Variants in NDUFS4 observed in about 807,000 individuals in gnomAD.
NDUFS4 encodes NADH:ubiquinone oxidoreductase subunit S4.
Under a neutral mutation model 24.3 loss-of-function variants are expected in NDUFS4, and 28 were observed. The ratio of observed to expected loss-of-function variants is 1.15; its 90% confidence interval spans 0.85 to 1.58. The LOEUF is 1.58. Among genes scored for constraint, NDUFS4 ranks in the 40% most tolerant of loss-of-function variants. NDUFS4 has a pLI of 0.00. For missense variants in NDUFS4, 223 were observed against 207.9 expected (o/e 1.07, Z -0.45); for synonymous variants, 93 against 69.7 (o/e 1.34, Z -1.67).
chr5:53,665,911 C>T (rs770272245), intron 4 of NDUFS4, among the ~76,000 whole-genome samples: 2 of 152,218 alleles, frequency 1.3e-5, no homozygotes, highest in Non-Finnish European at 2.9e-5. Flanking sequence ...CCGTCTTCTG[C>T]GTCGCTTACG....
intron 1 of NDUFS4, among the ~76,000 whole-genome samples, chr5:53,568,276 C>T (rs921457067): frequency 7.2e-5 from 11 of 151,902 alleles, no homozygotes; most frequent in African/African-American, 2.7e-4. Flanking sequence ...TGTTGGGTGC[C>T]TAAAAAATTC....
At chr5:53,614,525 A>C (rs1750789089) in intron 2 of NDUFS4, among the ~76,000 whole-genome samples, 1 of 151,990 alleles carries the variant, frequency 6.6e-6, no homozygotes, top group African/African-American at 2.4e-5. Flanking sequence ...TCCTACTTGG[A>C]ATACTTGAAC....
intron 4 of NDUFS4, among the ~76,000 whole-genome samples, chr5:53,669,432 A>G (rs1477582274): frequency 1.3e-5 from 2 of 152,072 alleles, no homozygotes; most frequent in Admixed American, 6.6e-5. Flanking sequence ...ATCCCTGCCT[A>G]TGAAACTCTA....
intron 1 of NDUFS4, among the ~76,000 whole-genome samples, chr5:53,580,747 C>CT (rs1452322154): frequency 3.0e-5 from 4 of 131,444 alleles, no homozygotes; most frequent in African/African-American, 8.8e-5. Context: ...CTTTCCTTTC[C>CT]TTCCTTTCTC....
At chr5:53,680,097 C>T (rs1001616052) in intron 4 of NDUFS4, among the ~76,000 whole-genome samples, 7 of 152,102 alleles carry the variant, frequency 4.6e-5, no homozygotes, top group African/African-American at 1.4e-4. Flanking sequence ...TAGGTGTTAA[C>T]GTCCATCTTG....
chr5:53,665,617 C>T (rs1752489569), intron 4 of NDUFS4, among the ~76,000 whole-genome samples: 1 of 152,236 alleles, frequency 6.6e-6, no homozygotes, highest in African/African-American at 2.4e-5. Flanking sequence ...GCATAGGACC[C>T]TCCGAGCCAG....
intron 1 of NDUFS4, among the ~76,000 whole-genome samples, chr5:53,585,673 C>T (rs1749727357): frequency 1.3e-5 from 2 of 150,316 alleles, no homozygotes; most frequent in South Asian, 2.1e-4. Context: ...ACCTGGGAGG[C>T]GGAGGTTGCG....
At chr5:53,593,725 C>T (rs926785016) in intron 1 of NDUFS4, among the ~76,000 whole-genome samples, 1 of 151,712 alleles carries the variant, frequency 6.6e-6, no homozygotes, top group African/African-American at 2.4e-5. Flanking sequence ...TTGGTGCATC[C>T]CACAAATTTT....
chr5:53,603,336 CT>C (rs11414085), intron 1 of NDUFS4, 115 bp from the exon 2 acceptor site: 22,100 of 502,404 alleles, frequency 0.044, 1 homozygote, highest in South Asian at 0.052. Flanking sequence ...CTTTCCTTTC[CT>C]TTTTTTTTTT....
intron 2 of NDUFS4, among the ~76,000 whole-genome samples, chr5:53,621,811 C>T (rs1332381738): frequency 6.7e-6 from 1 of 149,058 alleles, no homozygotes; most frequent in Non-Finnish European, 1.5e-5. Flanking sequence ...ACGCCATTCT[C>T]CTGCCTCAGC....
intron 4 of NDUFS4, among the ~76,000 whole-genome samples, chr5:53,666,481 C>T (rs1752517748): frequency 6.6e-6 from 1 of 152,136 alleles, no homozygotes; most frequent in Non-Finnish European, 1.5e-5. Context: ...TGGTTAGTGA[C>T]ATAAAGTTGT....
intron 2 of NDUFS4, among the ~76,000 whole-genome samples, chr5:53,605,826 A>G (rs1331710717): frequency 6.6e-6 from 1 of 152,042 alleles, no homozygotes; most frequent in Non-Finnish European, 1.5e-5. Context: ...CATCCTGGCT[A>G]ACATGGTGAA....
chr5:53,597,883 A>G (rs570903576), intron 1 of NDUFS4, among the ~76,000 whole-genome samples: 40 of 152,362 alleles, frequency 2.6e-4, no homozygotes, highest in African/African-American at 9.6e-4. Flanking sequence ...TACAGTTAAC[A>G]AATAATTCTT....
At chr5:53,636,556 ACAGT>A (rs1751556625) in intron 2 of NDUFS4, among the ~76,000 whole-genome samples, 1 of 152,214 alleles carries the variant, frequency 6.6e-6, no homozygotes, top group South Asian at 2.1e-4. Context: ...TTTTCTTTCT[ACAGT>A]CATTCTCATT....
intron 4 of NDUFS4, among the ~76,000 whole-genome samples, chr5:53,662,007 G>T (rs1380061949): frequency 6.6e-6 from 1 of 152,038 alleles, no homozygotes; most frequent in African/African-American, 2.4e-5. Context: ...CTGCCTGATT[G>T]CCCTGGCCAG....
In NDUFS4 at chr5:53,647,085, T is replaced by C. The variant is rs532055397; in HGVS notation, c.350+680T>C. Among the ~76,000 whole-genome samples, 5 of 151,420 alleles carry C rather than the reference T, an allele frequency of 3.3e-5. No homozygotes were observed. The South Asian group carries it at 1.0e-3, about 31-fold the overall frequency. On this transcript the variant is annotated intron_variant, in intron 3 of 4. Transcript: ENST00000296684. ...ACTTCTTTGTAATATATATTATATA[T>C]ATATCTTTTTTCTTTGTAAGGGGGG...
intron 4 of NDUFS4, among the ~76,000 whole-genome samples, chr5:53,677,185 C>G (rs149122550): frequency 6.6e-6 from 1 of 152,218 alleles, no homozygotes; most frequent in East Asian, 1.9e-4. Context: ...ATAGTTCCAA[C>G]TACTGCTTTG....
chr5:53,629,449 T>C lies in NDUFS4; in HGVS notation c.178-16784T>C, dbSNP rs184582607. Reference sequence around the variant, plus strand: ...TGGATATCCTTGTTAATTTTCTGTCTCGTTGATGTGTCTAATATTGACAGT... The same window carrying C: ...TGGATATCCTTGTTAATTTTCTGTCCCGTTGATGTGTCTAATATTGACAGT... On this transcript the variant is annotated intron_variant, in intron 2 of 4. Coordinates refer to ENST00000296684, the MANE Select transcript of NDUFS4 (RefSeq NM_002495.4). 1.8e-3 allele frequency among the ~76,000 whole-genome samples: 279 copies of C among 152,286 alleles called. 1 individual carries two copies. Among genetic ancestry groups the C allele is most frequent in the African/African-American group, 6.1e-3 (255 of 41,560 alleles).
At position 53,630,699 on chromosome 5, in the gene NDUFS4, G is replaced by A. The variant is rs552167002; in HGVS notation, c.178-15534G>A. Among the ~76,000 whole-genome samples, 9 of 151,988 alleles carry A rather than the reference G, an allele frequency of 5.9e-5. No homozygotes were observed. The South Asian group carries it at 1.7e-3, about 28-fold the overall frequency. The stretch of plus-strand genomic sequence containing the variant: ...CTATTGAAGCTTGTGTATGCTTCAC[G>A]AAGTTCTCTTGCTGCATTTTTCAGC... On this transcript the variant is annotated intron_variant, in intron 2 of 4. Transcript: ENST00000296684.
Sources: gnomAD v4.1 joint callset for allele counts (sites outside exome capture counted in the v4.1 genomes callset) on GRCh38, gnomAD v4.1.1 for gene constraint, MANE v1.5 for transcripts, NCBI Gene and HGNC (gene_info 2026-07-23, HGNC 2026-07-21) for gene names.